The following RPS6KC1 variants were observed in gnomAD, a reference collection of about 807,000 sequenced individuals.
RPS6KC1 encodes inactive ribosomal protein S6 kinase delta-1.
In RPS6KC1, 54 loss-of-function variants were observed where a neutral mutation model predicts 103.8. The observed-to-expected ratio is 0.52, with a 90% CI of 0.42 to 0.65. The LOEUF (loss-of-function observed/expected upper bound fraction) is 0.65. RPS6KC1 is among the 30% of genes least tolerant of loss of function. The probability of loss-of-function intolerance (pLI) is 0.00; values close to 1 mark genes in which losing one functional copy is unlikely to be tolerated. For synonymous variants in RPS6KC1, 439 were observed against 438.7 expected (o/e 1.00, Z -0.01); for missense variants, 1,151 against 1,253.8 (o/e 0.92, Z 1.24).
At chr1:213,834,756 A>T in the RPS6KC1 span, among the ~76,000 whole-genome samples, 3 of 152,118 alleles carry the variant, frequency 2.0e-5, no homozygotes, top group Non-Finnish European at 4.4e-5. Flanking sequence ...AAAACTGAGC[A>T]GGTCATTTTC....
the RPS6KC1 span, chr1:213,819,561 G>A: frequency 1.3e-5 from 2 of 152,222 alleles, no homozygotes; most frequent in African/African-American, 2.4e-5. Flanking sequence ...TGGGACCTCA[G>A]TGAGTTGACT....
intron 8 of RPS6KC1, among the ~76,000 whole-genome samples, chr1:213,225,682 C>T (rs766350776): frequency 1.3e-5 from 2 of 152,206 alleles, no homozygotes; most frequent in Non-Finnish European, 2.9e-5. Context: ...AGCCACTGCG[C>T]CCAGCCGGTT....
chr1:213,785,647 T>C, the RPS6KC1 span, among the ~76,000 whole-genome samples: 1 of 152,188 alleles, frequency 6.6e-6, no homozygotes, highest in African/African-American at 2.4e-5. Flanking sequence ...CTGCCGTGGA[T>C]GGGGAGATAT....
intron 14 of RPS6KC1, among the ~76,000 whole-genome samples, chr1:213,268,590 A>G (rs544368429): frequency 1.4e-4 from 21 of 148,098 alleles, no homozygotes; most frequent in Non-Finnish European, 2.8e-4. Context: ...ATATATAAAT[A>G]TATATTTTTT....
chr1:213,434,104 A>C, the RPS6KC1 span, among the ~76,000 whole-genome samples: 1 of 147,186 alleles, frequency 6.8e-6, no homozygotes. Flanking sequence ...CAACATGCAG[A>C]TAAGCAAAAA....
the RPS6KC1 span, among the ~76,000 whole-genome samples, chr1:213,520,157 A>C: frequency 6.6e-6 from 1 of 152,006 alleles, no homozygotes; most frequent in African/African-American, 2.4e-5. Flanking sequence ...GTCCATTTTC[A>C]CGCTGCTGAT....
chr1:213,474,690 A>G, the RPS6KC1 span, among the ~76,000 whole-genome samples: 1 of 152,172 alleles, frequency 6.6e-6, no homozygotes, highest in Admixed American at 6.5e-5. Context: ...GAAAATGCAT[A>G]TTATTTACTT....
At chr1:213,392,212 C>T in the RPS6KC1 span, among the ~76,000 whole-genome samples, 8 of 152,002 alleles carry the variant, frequency 5.3e-5, no homozygotes, top group Non-Finnish European at 8.8e-5. Flanking sequence ...TCAGCAGAAC[C>T]GATGGTCTGC....
At chr1:213,851,587 C>T in the RPS6KC1 span, among the ~76,000 whole-genome samples, 1 of 152,338 alleles carries the variant, frequency 6.6e-6, no homozygotes, top group Non-Finnish European at 1.5e-5. Context: ...TGAACTTCCA[C>T]TCGTCTATGT....
At chr1:213,448,099 G>A in the RPS6KC1 span, among the ~76,000 whole-genome samples, 539 of 151,830 alleles carry the variant, frequency 3.6e-3, 2 homozygotes, top group African/African-American at 0.013. Context: ...TTGGCTAGGT[G>A]TGGTGGAATG....
intron 8 of RPS6KC1, among the ~76,000 whole-genome samples, chr1:213,220,293 T>G (rs900899910): frequency 1.3e-5 from 2 of 152,162 alleles, no homozygotes; most frequent in Admixed American, 1.3e-4. Flanking sequence ...AAATCTGAAT[T>G]AAGATCAGAA....
At chr1:213,726,457 A>G in the RPS6KC1 span, among the ~76,000 whole-genome samples, 54 of 152,244 alleles carry the variant, frequency 3.5e-4, no homozygotes, top group Non-Finnish European at 2.2e-4. Context: ...TGTTATGACT[A>G]TGTTCCTTAA....
chr1:213,122,382 A>G (rs181772397), intron 5 of RPS6KC1, among the ~76,000 whole-genome samples: 82 of 152,254 alleles, frequency 5.4e-4, no homozygotes, highest in African/African-American at 1.9e-3. Context: ...AAAAATCTGT[A>G]TCGAAATACC....
the RPS6KC1 span, among the ~76,000 whole-genome samples, chr1:213,532,898 A>G: frequency 9.2e-5 from 14 of 152,310 alleles, no homozygotes; most frequent in African/African-American, 2.9e-4. Context: ...CAGCCATGCA[A>G]AGTCTCCAAG....
intron 1 of RPS6KC1, among the ~76,000 whole-genome samples, chr1:213,054,609 A>AT (rs1263902359): frequency 4.6e-5 from 7 of 152,170 alleles, no homozygotes; most frequent in Admixed American, 6.5e-5. Flanking sequence ...TTGCAGGGTT[A>AT]TTTCTGTAGG....
At chr1:213,836,011 T>G in the RPS6KC1 span, 1 of 152,016 alleles carries the variant, frequency 6.6e-6, no homozygotes, top group Non-Finnish European at 1.5e-5. Context: ...TAAAAATAAT[T>G]TGGGGAGAAT....
At chr1:213,267,205 G>C (rs2094932221) in intron 14 of RPS6KC1, among the ~76,000 whole-genome samples, 1 of 151,882 alleles carries the variant, frequency 6.6e-6, no homozygotes, top group South Asian at 2.1e-4. Flanking sequence ...TTGAAGGGCT[G>C]AGATATTTGA....
At chr1:213,456,463 C>T in the RPS6KC1 span, among the ~76,000 whole-genome samples, 1 of 152,050 alleles carries the variant, frequency 6.6e-6, no homozygotes, top group African/African-American at 2.4e-5. Flanking sequence ...CTGTCCTGAA[C>T]GTATCTTCAT....
chr1:213,608,235 C>A, the RPS6KC1 span, among the ~76,000 whole-genome samples: 3 of 152,108 alleles, frequency 2.0e-5, no homozygotes, highest in South Asian at 6.2e-4. Context: ...GGTGACGGTG[C>A]CCCGGGGTTC....
Sources: gnomAD v4.1 joint callset for allele counts (sites outside exome capture counted in the v4.1 genomes callset) on GRCh38, gnomAD v4.1.1 for gene constraint, MANE v1.5 for transcripts, NCBI Gene and HGNC (gene_info 2026-07-23, HGNC 2026-07-21) for gene names.